Variants in TSHZ2 observed in about 807,000 individuals in gnomAD.
TSHZ2 encodes teashirt zinc finger homeobox 2.
A neutral mutation model predicts 74.4 loss-of-function variants in TSHZ2; 21 were observed. The observed-to-expected ratio is 0.28, with a 90% CI of 0.20 to 0.41. The LOEUF (loss-of-function observed/expected upper bound fraction) is 0.41, where lower values mean the gene tolerates loss of function less well. Ranked by LOEUF, TSHZ2 falls within the 10% of genes least tolerant of loss-of-function variation. TSHZ2 has a pLI of 1.00. For synonymous variants in TSHZ2, 540 were observed against 515.3 expected (o/e 1.05, Z -0.65); for missense variants, 1,244 against 1,293.5 (o/e 0.96, Z 0.59).
chr20:53,197,830 C>G (rs1389920199), intron 1 of TSHZ2, among the ~76,000 whole-genome samples: 1 of 152,096 alleles, frequency 6.6e-6, no homozygotes, highest in Non-Finnish European at 1.5e-5. Context: ...TTTTTTCCAG[C>G]ACCAAGGGAG....
At chr20:53,341,729 G>T (rs1326049280) in intron 2 of TSHZ2, among the ~76,000 whole-genome samples, 1 of 152,080 alleles carries the variant, frequency 6.6e-6, no homozygotes, top group African/African-American at 2.4e-5. Flanking sequence ...GTGCGGGCTG[G>T]GGGGACAGAG....
At chr20:53,044,603 C>T (rs1476503967) in intron 1 of TSHZ2, among the ~76,000 whole-genome samples, 2 of 152,178 alleles carry the variant, frequency 1.3e-5, no homozygotes, top group East Asian at 1.9e-4. Context: ...TTAAGCACCC[C>T]CTTCACCAAC....
chr20:53,271,850 G>T (rs1420755714), intron 2 of TSHZ2, among the ~76,000 whole-genome samples: 4 of 152,208 alleles, frequency 2.6e-5, no homozygotes. Flanking sequence ...TGAACAGACA[G>T]GTGGCTGGTG....
chr20:53,128,026 T>TC (rs1444486892), intron 1 of TSHZ2, among the ~76,000 whole-genome samples: 6 of 108,958 alleles, frequency 5.5e-5, no homozygotes, highest in African/African-American at 2.8e-4. Flanking sequence ...TGTGGCTGTT[T>TC]TTGGCTGGTC....
intron 1 of TSHZ2, among the ~76,000 whole-genome samples, chr20:53,135,580 GT>G (rs1267375653): frequency 6.6e-6 from 1 of 152,022 alleles, no homozygotes; most frequent in African/African-American, 2.4e-5. Context: ...GGTTAAGTAT[GT>G]TTGTTTATTT....
In TSHZ2 at chr20:53,270,652, C is replaced by A. The variant is rs142006146; in HGVS notation, c.*8+14081C>A. On this transcript the variant is annotated intron_variant, in intron 2 of 2. Transcript: ENST00000371497. ...CACACCACTTATTTGAAGGAGAGAA[C>A]AGATGAATGCCTCCCCCCCAAAAAA... 5.7e-3 allele frequency among the ~76,000 whole-genome samples: 801 copies of A among 140,350 alleles called. 5 individuals are homozygous for A. Among genetic ancestry groups the A allele is most frequent in the African/African-American group, 0.024 (757 of 32,022 alleles). The allele number at this position is 140,350 out of a possible 152,430, so 92.1% of individuals were successfully genotyped here.
intron 1 of TSHZ2, among the ~76,000 whole-genome samples, chr20:53,130,280 C>A (rs1194290887): frequency 6.6e-6 from 1 of 151,302 alleles, no homozygotes; most frequent in Non-Finnish European, 1.5e-5. Flanking sequence ...GTCATGGGAG[C>A]AAGGGAGAGC....
At chr20:53,474,121 G>C (rs1985916950) in intron 2 of TSHZ2, among the ~76,000 whole-genome samples, 1 of 149,968 alleles carries the variant, frequency 6.7e-6, no homozygotes, top group Non-Finnish European at 1.5e-5. Context: ...AATCTAGCAA[G>C]GCAGGCCAAC....
intron 1 of TSHZ2, among the ~76,000 whole-genome samples, chr20:53,238,519 A>G (rs1989989610): frequency 6.6e-6 from 1 of 152,188 alleles, no homozygotes; most frequent in African/African-American, 2.4e-5. Flanking sequence ...GTGCCATAGT[A>G]AAGCAAAAAC....
intron 2 of TSHZ2, among the ~76,000 whole-genome samples, chr20:53,423,878 G>C (rs899137256): frequency 3.3e-5 from 5 of 152,152 alleles, no homozygotes; most frequent in Admixed American, 3.3e-4. Context: ...GCAAGGTCTG[G>C]AGACATGTTT....
chr20:53,324,006 T>C (rs1314668007), intron 2 of TSHZ2, among the ~76,000 whole-genome samples: 1 of 152,182 alleles, frequency 6.6e-6, no homozygotes. Flanking sequence ...CTGACCTCTC[T>C]GGACGCCCTG....
chr20:53,094,513 T>A (rs1985980614), intron 1 of TSHZ2, among the ~76,000 whole-genome samples: 1 of 152,102 alleles, frequency 6.6e-6, no homozygotes, highest in Non-Finnish European at 1.5e-5. Context: ...CATTTTCCCC[T>A]CCAGAGATCC....
chr20:53,158,655 C>T (rs1253964299), intron 1 of TSHZ2, among the ~76,000 whole-genome samples: 2 of 152,188 alleles, frequency 1.3e-5, no homozygotes, highest in African/African-American at 4.8e-5. Flanking sequence ...TTCCAAGACC[C>T]TGCCTCATTG....
intron 1 of TSHZ2, among the ~76,000 whole-genome samples, chr20:53,247,073 G>C (rs576566497): frequency 9.2e-5 from 14 of 152,190 alleles, no homozygotes; most frequent in Non-Finnish European, 1.8e-4. Context: ...CTCCAGCAGT[G>C]CTTTAAACAA....
rs562188172 is a variant in TSHZ2, at chr20:53,263,552, GT to G, written c.*8+6988del. ...GCCCCCCAGTGTTCTAGTCGAGAGG[GT>G]TTTTTTAATGGATGTGTTTTGGTTT... is the stretch of plus-strand genomic sequence containing the variant. On this transcript the variant is annotated intron_variant, in intron 2 of 2. Transcript: ENST00000371497. 2.5e-3 allele frequency among the ~76,000 whole-genome samples: 376 copies of G among 152,230 alleles called. 3 individuals carry two copies. Among genetic ancestry groups the G allele is most frequent in the Middle Eastern group, 6.8e-3 (2 of 294 alleles).
intron 1 of TSHZ2, among the ~76,000 whole-genome samples, chr20:52,999,577 T>C (rs1982334997): frequency 6.6e-6 from 1 of 152,198 alleles, no homozygotes; most frequent in East Asian, 1.9e-4. Flanking sequence ...GTGTCGTATG[T>C]GACCATAAAA....
chr20:53,264,024 A>G (rs1990658186), intron 2 of TSHZ2, among the ~76,000 whole-genome samples: 1 of 152,154 alleles, frequency 6.6e-6, no homozygotes, highest in Non-Finnish European at 1.5e-5. Flanking sequence ...TGCTCTCCTG[A>G]TATACTCTGG....
chr20:53,185,601 C>T, intron 1 of TSHZ2: 2 of 1,531,262 alleles, frequency 1.3e-6, no homozygotes, highest in South Asian at 1.2e-5. Context: ...GCTGGGGATA[C>T]AGAGCAAGAC....
intron 2 of TSHZ2, among the ~76,000 whole-genome samples, chr20:53,457,321 T>C (rs1217352721): frequency 7.6e-6 from 1 of 131,112 alleles, no homozygotes; most frequent in Non-Finnish European, 1.6e-5. Context: ...TTTGAAGCAA[T>C]TGTGAATGGG....
Sources: allele counts gnomAD v4.1 joint callset (sites outside exome capture counted in the v4.1 genomes callset), GRCh38; gene constraint gnomAD v4.1.1; transcripts MANE v1.5; gene names NCBI Gene and HGNC (gene_info 2026-07-23, HGNC 2026-07-21).